The following RMDN2 variants were observed in gnomAD, a reference collection of about 807,000 sequenced individuals.
The protein encoded by RMDN2 is regulator of microtubule dynamics protein 2.
Under a neutral mutation model 52.8 loss-of-function variants are expected in RMDN2, and 61 were observed. The observed-to-expected ratio is 1.16, with a 90% CI of 0.94 to 1.43. The LOEUF (loss-of-function observed/expected upper bound fraction) is 1.43, where lower values mean the gene tolerates loss of function less well. RMDN2 is among the 40% of genes most tolerant of loss of function. The probability of loss-of-function intolerance (pLI) is 0.00; values close to 1 mark genes in which losing one functional copy is unlikely to be tolerated. For missense variants in RMDN2, 592 were observed against 475.3 expected, an observed-to-expected ratio of 1.25 and a Z score of -2.28; for synonymous variants, 180 against 153.1, an observed-to-expected ratio of 1.18 and a Z score of -1.30.
At chr2:38,057,895 CT>C (rs776268952) in intron 10 of RMDN2, among the ~76,000 whole-genome samples, 46 of 152,322 alleles carry the variant, frequency 3.0e-4, no homozygotes, top group Admixed American at 7.8e-4. Flanking sequence ...GCAGAAGCTG[CT>C]GCTATACTTT....
intron 8 of RMDN2, among the ~76,000 whole-genome samples, chr2:38,002,260 A>C (rs1676417830): frequency 6.6e-6 from 1 of 152,232 alleles, no homozygotes. Context: ...AACTTCTGGG[A>C]ATCTCCCTTA....
intron 2 of RMDN2, among the ~76,000 whole-genome samples, chr2:37,930,001 T>C (rs889429164): frequency 2.6e-5 from 4 of 152,260 alleles, no homozygotes; most frequent in African/African-American, 4.8e-5. Context: ...CTTGCCAAAG[T>C]GTATAACCTA....
intron 10 of RMDN2, among the ~76,000 whole-genome samples, chr2:38,062,771 C>T (rs1383996893): frequency 1.8e-5 from 2 of 112,138 alleles, no homozygotes; most frequent in African/African-American, 2.9e-5. Context: ...TCCCCCCTTC[C>T]CCCCCCCCAC....
intron 7 of RMDN2, 112 bp from the exon 8 acceptor site, chr2:37,997,304 C>T: frequency 1.4e-6 from 1 of 708,456 alleles, no homozygotes; most frequent in East Asian, 2.6e-5. Context: ...TATGTTATAT[C>T]TATACACACA....
chr2:37,993,224 C>A (rs1320537597), intron 7 of RMDN2, among the ~76,000 whole-genome samples: 1 of 152,150 alleles, frequency 6.6e-6, no homozygotes, highest in Non-Finnish European at 1.5e-5. Context: ...CGCACCTGGC[C>A]CAGGCAGTTT....
intron 10 of RMDN2, chr2:38,036,407 A>G (rs1480224503): frequency 6.6e-6 from 1 of 152,162 alleles, no homozygotes; most frequent in African/African-American, 2.4e-5. Flanking sequence ...CTTGTTTGTA[A>G]CAGGCACTCA....
chr2:37,951,417 TC>T, intron 2 of RMDN2: 1 of 1,612,878 alleles, frequency 6.2e-7, no homozygotes, highest in South Asian at 1.1e-5. Context: ...ATTATCTGTA[TC>T]AAGTCCATCT....
chr2:38,034,241 G>A (rs1432597647), intron 10 of RMDN2, among the ~76,000 whole-genome samples: 2 of 152,170 alleles, frequency 1.3e-5, no homozygotes, highest in Admixed American at 6.5e-5. Flanking sequence ...TCCTTCAGCC[G>A]TGACACTAAA....
chr2:37,988,056 C>T (rs1674273899), intron 5 of RMDN2, among the ~76,000 whole-genome samples: 1 of 152,082 alleles, frequency 6.6e-6, no homozygotes, highest in South Asian at 2.1e-4. Flanking sequence ...ATGTCTTCAT[C>T]TCTAAATAAA....
chr2:38,055,430 A>G (rs1681821950), intron 10 of RMDN2, among the ~76,000 whole-genome samples: 1 of 152,092 alleles, frequency 6.6e-6, no homozygotes, highest in African/African-American at 2.4e-5. Context: ...TGGCTCTTAG[A>G]ACCAGAAATA....
intron 6 of RMDN2, among the ~76,000 whole-genome samples, chr2:37,990,073 G>T (rs550650062): frequency 1.3e-5 from 2 of 151,348 alleles, no homozygotes; most frequent in South Asian, 2.1e-4. Flanking sequence ...AACCTGGGGG[G>T]CGGAGCTTGC....
At chr2:38,028,217 A>T (rs985631375) in intron 10 of RMDN2, 1 of 152,240 alleles carries the variant, frequency 6.6e-6, no homozygotes, top group Non-Finnish European at 1.5e-5. Context: ...TTACAAACAC[A>T]AAATTAAGTA....
At chr2:38,011,623 A>C (rs1193112904) in intron 10 of RMDN2, among the ~76,000 whole-genome samples, 2 of 152,186 alleles carry the variant, frequency 1.3e-5, no homozygotes, top group African/African-American at 4.8e-5. Flanking sequence ...GTGTCCAAAT[A>C]ACTATAGCTC....
intron 2 of RMDN2, among the ~76,000 whole-genome samples, chr2:37,948,234 C>A (rs939578695): frequency 1.3e-5 from 2 of 152,190 alleles, no homozygotes; most frequent in African/African-American, 4.8e-5. Context: ...TTTTAAGAAG[C>A]TCTGTGGGTG....
intron 2 of RMDN2, among the ~76,000 whole-genome samples, chr2:37,966,016 G>C (rs535144390): frequency 1.3e-5 from 2 of 152,256 alleles, no homozygotes; most frequent in Admixed American, 6.5e-5. Context: ...GTAATGAGTT[G>C]CTTTTCTTTT....
At chr2:38,037,529 C>T (rs1680665269) in intron 10 of RMDN2, among the ~76,000 whole-genome samples, 1 of 152,180 alleles carries the variant, frequency 6.6e-6, no homozygotes, top group Non-Finnish European at 1.5e-5. Flanking sequence ...TATGAAAGTC[C>T]CAGGAGAGAG....
chr2:37,963,795 A>G (rs1268008534), intron 2 of RMDN2, among the ~76,000 whole-genome samples: 1 of 152,120 alleles, frequency 6.6e-6, no homozygotes, highest in Non-Finnish European at 1.5e-5. Context: ...CAAAACCGCC[A>G]TCGTCATCAT....
At chr2:37,972,022 C>G (rs941462832) in intron 2 of RMDN2, among the ~76,000 whole-genome samples, 2 of 152,016 alleles carry the variant, frequency 1.3e-5, no homozygotes, top group African/African-American at 2.4e-5. Context: ...TTAGAAACAT[C>G]TTTTAATATG....
chr2:38,002,670 G>A (rs951427473), intron 8 of RMDN2, among the ~76,000 whole-genome samples: 1 of 152,056 alleles, frequency 6.6e-6, no homozygotes, highest in Non-Finnish European at 1.5e-5. Flanking sequence ...GCCTATACTT[G>A]GCAAAGAGTC....
Sources: gnomAD v4.1 joint callset for allele counts (sites outside exome capture counted in the v4.1 genomes callset) on GRCh38, gnomAD v4.1.1 for gene constraint, MANE v1.5 for transcripts, NCBI Gene and HGNC (gene_info 2026-07-23, HGNC 2026-07-21) for gene names.